The following SAXO1 variants were observed in gnomAD, a reference collection of about 807,000 sequenced individuals.
The protein encoded by SAXO1 is 4930500O09Rik.
A neutral mutation model predicts 17.5 loss-of-function variants in SAXO1; 21 were observed. The observed-to-expected ratio is 1.20, with a 90% CI of 0.85 to 1.72. The LOEUF (loss-of-function observed/expected upper bound fraction) is 1.72. Ranked by LOEUF, SAXO1 falls within the 40% of genes most tolerant of loss-of-function variation. SAXO1 has a pLI of 0.00. For synonymous variants in SAXO1, 274 were observed against 216.5 expected (o/e 1.27, Z -2.33); for missense variants, 843 against 596.0 (o/e 1.41, Z -4.32).
chr9:19,033,271 A>AG, upstream of SAXO1: 1 of 244,222 alleles, frequency 4.1e-6, no homozygotes, highest in Non-Finnish European at 7.8e-6. Context: ...CAGGGCCAGG[A>AG]GGGGCACGCC....
At chr9:18,935,194 G>A (rs1001633014) in intron 3 of SAXO1, among the ~76,000 whole-genome samples, 4 of 152,146 alleles carry the variant, frequency 2.6e-5, no homozygotes, top group Admixed American at 1.3e-4. Flanking sequence ...GATTATAGAC[G>A]TGAGCCACCT....
rs1267133832 is a variant in SAXO1, at chr9:18,928,444, T to G, written c.1033A>C (p.Lys345Gln). 6.2e-7 allele frequency: 1 copy of G among 1,610,008 alleles called. No homozygotes were observed. The highest frequency in any genetic ancestry group is 2.2e-5 in the East Asian group (1 of 44,740). ...TCTGTGCGCATGCTGGACCACTGCT[T>G]GTAGTCATCCTTGGTGGTGGAAGAG... is the stretch of plus-strand genomic sequence containing the variant. ...EGSSTTKDDY[K>Q]QWSSMRTEPV... The change falls in exon 4 of 4, where the codon AAG becomes CAG. Residue 345 changes from lysine (K) to glutamine (Q), a missense_variant. By Grantham distance (53) the Lys-to-Gln change is moderately conservative. Coordinates refer to ENST00000380534, the MANE Select transcript of SAXO1 (RefSeq NM_153707.4).
At chr9:19,047,765 A>G (rs147519313) in intron 1 of SAXO1, among the ~76,000 whole-genome samples, 16 of 152,360 alleles carry the variant, frequency 1.1e-4, no homozygotes, top group Non-Finnish European at 2.1e-4. Context: ...AGAAATTTTC[A>G]GACATCCAAT....
chr9:18,940,032 C>T (rs535729028), intron 3 of SAXO1, among the ~76,000 whole-genome samples: 7 of 152,258 alleles, frequency 4.6e-5, no homozygotes, highest in African/African-American at 1.7e-4. Context: ...AGCAAAAGGG[C>T]TGAAGAGAGA....
At chr9:19,037,779 A>G (rs1835978568), upstream of SAXO1, among the ~76,000 whole-genome samples, 1 of 152,182 alleles carries the variant, frequency 6.6e-6, no homozygotes, top group Non-Finnish European at 1.5e-5. Context: ...GTAACTTGCT[A>G]TCAAGTTACA....
At chr9:18,947,116 G>A (rs904734009) in intron 2 of SAXO1, among the ~76,000 whole-genome samples, 7 of 152,180 alleles carry the variant, frequency 4.6e-5, no homozygotes, top group South Asian at 2.1e-4. Context: ...GTCCAGTGCC[G>A]AGAACTCTAC....
intron 1 of SAXO1, among the ~76,000 whole-genome samples, chr9:18,973,169 C>G (rs911772572): frequency 1.1e-4 from 17 of 152,172 alleles, no homozygotes; most frequent in African/African-American, 4.1e-4. Flanking sequence ...ACAAAAATAA[C>G]GTGTTTTTAT....
intron 1 of SAXO1, among the ~76,000 whole-genome samples, chr9:18,965,070 G>C (rs374216427): frequency 6.6e-6 from 1 of 152,220 alleles, no homozygotes; most frequent in Non-Finnish European, 1.5e-5. Flanking sequence ...GCAGTTTTGA[G>C]TGAGTTTCTT....
chr9:18,933,838 A>C (rs1831161805), intron 3 of SAXO1, among the ~76,000 whole-genome samples: 2 of 152,182 alleles, frequency 1.3e-5, no homozygotes, highest in South Asian at 2.1e-4. Flanking sequence ...CGAGGTCAGG[A>C]GATCAAGACC....
chr9:18,996,936 A>C (rs555286110), intron 1 of SAXO1, among the ~76,000 whole-genome samples: 2 of 152,304 alleles, frequency 1.3e-5, no homozygotes, highest in African/African-American at 4.8e-5. Context: ...TCTCATATGT[A>C]AAACCCAAAA....
intron 1 of SAXO1, among the ~76,000 whole-genome samples, chr9:19,004,745 G>A (rs569398855): frequency 2.4e-4 from 37 of 152,230 alleles, no homozygotes; most frequent in South Asian, 4.1e-4. Context: ...GAGGGATAGC[G>A]CTGGGAGAAA....
At chr9:19,045,172 C>T (rs924395025) in intron 1 of SAXO1, among the ~76,000 whole-genome samples, 4 of 147,696 alleles carry the variant, frequency 2.7e-5, no homozygotes, top group Non-Finnish European at 4.5e-5. Flanking sequence ...TAGCCGGGCG[C>T]GGTGGCGGGC....
chr9:18,994,279 A>G (rs919599722), intron 1 of SAXO1, among the ~76,000 whole-genome samples: 1 of 152,164 alleles, frequency 6.6e-6, no homozygotes, highest in African/African-American at 2.4e-5. Context: ...TAAGCCACTG[A>G]AACCTTAGGA....
chr9:18,941,583 C>T (rs543682096), intron 3 of SAXO1, 54 bp downstream of exon 3: 33 of 1,601,158 alleles, frequency 2.1e-5, no homozygotes, highest in African/African-American at 1.2e-4. Flanking sequence ...TTTCCTGGCC[C>T]GCACACAGGC....
intron 1 of SAXO1, chr9:19,027,180 C>G (rs1044470269): frequency 8.3e-7 from 1 of 1,200,926 alleles, no homozygotes; most frequent in African/African-American, 1.5e-5. Flanking sequence ...AAATATTGAC[C>G]TGGACTCCCA....
chr9:18,985,539 C>G (rs760537657), intron 1 of SAXO1, among the ~76,000 whole-genome samples: 2 of 152,160 alleles, frequency 1.3e-5, no homozygotes, highest in Non-Finnish European at 2.9e-5. Context: ...TTGGCTTTTT[C>G]TAAACAGAGC....
At chr9:18,944,207 G>T (rs1445778667) in intron 2 of SAXO1, among the ~76,000 whole-genome samples, 3 of 152,002 alleles carry the variant, frequency 2.0e-5, no homozygotes, top group Non-Finnish European at 2.9e-5. Context: ...TATGGGGGGT[G>T]GGGGGAAGCG....
chr9:19,047,784 A>G (rs1358484190), intron 1 of SAXO1, among the ~76,000 whole-genome samples: 1 of 152,222 alleles, frequency 6.6e-6, no homozygotes, highest in Non-Finnish European at 1.5e-5. Flanking sequence ...ATCTCTTGAA[A>G]TTTTTACTCT....
At chr9:18,998,936 A>T (rs574485340) in intron 1 of SAXO1, among the ~76,000 whole-genome samples, 1 of 152,368 alleles carries the variant, frequency 6.6e-6, no homozygotes, top group African/African-American at 2.4e-5. Flanking sequence ...GGCCTGCCTT[A>T]CAAGAGCTCC....
Sources: allele counts gnomAD v4.1 joint callset (sites outside exome capture counted in the v4.1 genomes callset), GRCh38; gene constraint gnomAD v4.1.1; transcripts MANE v1.5; gene names NCBI Gene and HGNC (gene_info 2026-07-23, HGNC 2026-07-21).